TRPM6: variants seen among roughly 807,000 people sequenced by gnomAD.
TRPM6 encodes transient receptor potential cation channel subfamily M member 6.
In TRPM6, 111 loss-of-function variants were observed where a neutral mutation model predicts 247.6. The observed-to-expected ratio is 0.45, with a 90% confidence interval of 0.38 to 0.52. The LOEUF (loss-of-function observed/expected upper bound fraction) is 0.52. Among genes scored for constraint, TRPM6 ranks in the 20% least tolerant of loss-of-function variants. The pLI is 0.00. For missense variants in TRPM6, 2,126 were observed against 2,421.5 expected, an observed-to-expected ratio of 0.88 and a Z score of 2.56; for synonymous variants, 892 against 853.8, an observed-to-expected ratio of 1.04 and a Z score of -0.78.
Position 74,782,843 on chromosome 9 carries a change from A to G in TRPM6, c.2930T>C (p.Met977Thr). 6.2e-7 allele frequency: 1 copy of G among 1,614,152 alleles called. No individual in the cohort carries two copies. The highest frequency in any genetic ancestry group is 8.5e-7 in the Non-Finnish European group (1 of 1,180,022). Reference protein sequence around the residue: ...VTMIAKMTANMFYIVIIMAIV... With the variant: ...VTMIAKMTANTFYIVIIMAIV... ...GGCCATGATGATCACAATATAGAAC[A>G]TGTTTGCTGTCTGCAAAAGAGCATA... The change falls in exon 22 of 39, where the codon ATG becomes ACG. Residue 977 changes from methionine (M) to threonine (T), a missense_variant. Around this residue, in one of 3 missense-constraint regions of TRPM6, gnomAD observed 1,082 missense variants for 1,307.9 expected, o/e 0.83. Coordinates refer to ENST00000360774, the MANE Select transcript of TRPM6 (RefSeq NM_017662.5).
intron 4 of TRPM6, among the ~76,000 whole-genome samples, chr9:74,841,257 C>A (rs1478991718): frequency 6.6e-6 from 1 of 152,184 alleles, no homozygotes; most frequent in Non-Finnish European, 1.5e-5. Flanking sequence ...TATTGCACAG[C>A]TGGCTTGCTT....
At chr9:74,843,035 G>A (rs1326560919) in intron 3 of TRPM6, among the ~76,000 whole-genome samples, 1 of 152,180 alleles carries the variant, frequency 6.6e-6, no homozygotes, top group Non-Finnish European at 1.5e-5. Context: ...CAAAACTGGA[G>A]TCAATCTTCT....
intron 36 of TRPM6, among the ~76,000 whole-genome samples, chr9:74,733,125 C>A (rs1158556114): frequency 6.6e-6 from 1 of 151,416 alleles, no homozygotes; most frequent in African/African-American, 2.4e-5. Context: ...ACCATTGAAT[C>A]GTTGAGGCAG....
chr9:74,747,902 T>G lies in TRPM6; in HGVS notation c.5070A>C (p.Ser1690=). ...NLNRNSLLKS[S]IGVDKISASL... Reference sequence around the variant, plus strand: ...AGAAAAACTTACTGTCAACTCCAATTGAACTTTTCAGCCTGTTTGAAAAAA... The same window carrying G: ...AGAAAAACTTACTGTCAACTCCAATGGAACTTTTCAGCCTGTTTGAAAAAA... The change falls in exon 31 of 39, where the codon TCA becomes TCC. Residue 1690 remains serine (S), a synonymous_variant. Transcript: ENST00000360774. 1.2e-6 allele frequency: 2 copies of G among 1,611,276 alleles called. No homozygotes were observed. The highest frequency in any genetic ancestry group is 1.7e-6 in the Non-Finnish European group (2 of 1,178,600).
At chr9:74,852,808 G>T (rs62569732) in intron 3 of TRPM6, among the ~76,000 whole-genome samples, 22,404 of 152,158 alleles carry the variant, frequency 0.15, 1,917 homozygotes, top group East Asian at 0.28. Context: ...TGTTGCCCAG[G>T]CTGGAGTGCA....
At chr9:74,790,947 TA>T (rs1827878993) in intron 19 of TRPM6, among the ~76,000 whole-genome samples, 1 of 152,186 alleles carries the variant, frequency 6.6e-6, no homozygotes, top group African/African-American at 2.4e-5. Flanking sequence ...TAGGTAAAAT[TA>T]AGCACTAAAC....
chr9:74,780,739 T>C (rs997377090), intron 23 of TRPM6, among the ~76,000 whole-genome samples: 2 of 152,152 alleles, frequency 1.3e-5, no homozygotes, highest in Non-Finnish European at 2.9e-5. Context: ...AAGGTTGAGT[T>C]AACAGAAGTT....
intron 13 of TRPM6, among the ~76,000 whole-genome samples, chr9:74,810,029 G>A (rs1451034694): frequency 6.7e-6 from 1 of 149,228 alleles, no homozygotes; most frequent in Non-Finnish European, 1.5e-5. Context: ...TTTCACTCTG[G>A]CTCTCTCTCC....
chr9:74,816,490 C>T (rs200004362), intron 11 of TRPM6, among the ~76,000 whole-genome samples, 179 bp downstream of exon 11: 1 of 90,494 alleles, frequency 1.1e-5, no homozygotes, highest in Non-Finnish European at 2.2e-5. Flanking sequence ...AAAAAAAAAA[C>T]AGATGGTTTT....
In TRPM6 at chr9:74,800,260, C is replaced by T. The variant is rs1828272762; in HGVS notation, c.2232G>A (p.Trp744Ter). ...MGRLKMRKNS[W>*]LKIIISIILP... ...ACAAGTAAAGTAAATTTACCTTTAA[C>T]CAAGAGTTTTTCCTCATTTTCAGCC... Residue 744 changes from tryptophan (W) to a stop codon, truncating the protein, a stop_gained, in exon 17 of 39, where the codon TGG becomes TGA. Coordinates refer to ENST00000360774, the MANE Select transcript of TRPM6 (RefSeq NM_017662.5). LOFTEE classifies it high-confidence loss of function. 6.2e-7 allele frequency: 1 copy of T among 1,613,712 alleles called. No individual in the cohort carries two copies. The highest frequency in any genetic ancestry group is 1.3e-5 in the African/African-American group (1 of 74,884).
intron 1 of TRPM6, among the ~76,000 whole-genome samples, chr9:74,876,070 G>C (rs1831183637): frequency 6.6e-6 from 1 of 152,038 alleles, no homozygotes; most frequent in Admixed American, 6.6e-5. Flanking sequence ...ATTAACTGCA[G>C]GGTAACAATT....
At position 74,855,507 on chromosome 9, in the gene TRPM6, C is replaced by T. The variant is rs1209420434; in HGVS notation, c.152+20G>A. 1.9e-6 allele frequency: 3 copies of T among 1,582,640 alleles called. No individual in the cohort carries two copies. The highest frequency in any genetic ancestry group is 3.3e-5 in the Admixed American group (2 of 59,968). On this transcript the variant is annotated intron_variant, in intron 3 of 38. Transcript: ENST00000360774. ...AGGGTGCCTAAAAGCTAAAAGGAAT[C>T]TTGCTTATCTAAGTCTTACCTGATT...
intron 7 of TRPM6, among the ~76,000 whole-genome samples, chr9:74,823,229 C>A (rs940171781): frequency 5.9e-5 from 9 of 152,188 alleles, no homozygotes; most frequent in African/African-American, 2.2e-4. Flanking sequence ...CATGGTGAGA[C>A]ATCTACAGGG....
rs1206107004 is a variant in TRPM6 at position 74,842,174 on chromosome 9, G to T, written c.322C>A (p.His108Asn). 1 of 1,613,204 alleles carries T rather than the reference G, an allele frequency of 6.2e-7. No individual in the cohort carries two copies. Among genetic ancestry groups the T allele is most frequent in the African/African-American group, 1.3e-5 (1 of 74,754 alleles). ...INFQDGEHTHHAKYIRTSYDT... is the reference protein window; with the variant it reads ...INFQDGEHTHNAKYIRTSYDT... ...TTGGGTTATTAGCAAACCTTGGCAT[G>T]ATGGGTGTGCTCTCCATCTTGGAAA... Residue 108 changes from histidine to asparagine, a missense_variant, in exon 4 of 39, where the codon CAT becomes AAT. This residue lies in a region of TRPM6 where 1,082 missense variants were observed against 1,307.9 expected (regional missense o/e 0.83). Transcript: ENST00000360774.
At chr9:74,883,743 G>A (rs948338558) in intron 1 of TRPM6, among the ~76,000 whole-genome samples, 2 of 152,134 alleles carry the variant, frequency 1.3e-5, no homozygotes, top group African/African-American at 4.8e-5. Flanking sequence ...GGTGTCATGT[G>A]CCTGTAATCC....
chr9:74,846,661 C>T (rs1035116305), intron 3 of TRPM6, among the ~76,000 whole-genome samples: 8 of 152,036 alleles, frequency 5.3e-5, no homozygotes, highest in African/African-American at 1.7e-4. Context: ...ATTCTCCTGC[C>T]TCAGCCTCCC....
At position 74,785,871 on chromosome 9, in the gene TRPM6, C is replaced by T. The variant is rs1827642160; in HGVS notation, c.2919+3G>A. 6.2e-7 allele frequency: 1 copy of T among 1,614,166 alleles called. No individual in the cohort carries two copies. Among genetic ancestry groups the T allele is most frequent in the African/African-American group, 1.3e-5 (1 of 75,048 alleles). ...CCAGGATATAAAACTAGACTGTACT[C>T]ACCATTTTTGCAATCATGGTCACAT... On this transcript the variant is annotated splice_donor_region_variant and intron_variant, in intron 21 of 38. Coordinates refer to ENST00000360774, the MANE Select transcript of TRPM6 (RefSeq NM_017662.5).
intron 3 of TRPM6, among the ~76,000 whole-genome samples, chr9:74,849,609 C>A (rs115137277): frequency 0.014 from 2,128 of 152,226 alleles, 59 homozygotes; most frequent in African/African-American, 0.049. Context: ...GTTTAAGCCA[C>A]CCAGTTTGTG....
At chr9:74,886,320 G>C (rs1831526734) in intron 1 of TRPM6, among the ~76,000 whole-genome samples, 1 of 152,142 alleles carries the variant, frequency 6.6e-6, no homozygotes, top group Non-Finnish European at 1.5e-5. Flanking sequence ...GGCCAAAATA[G>C]CTAACGCTTT....
Sources: allele counts gnomAD v4.1 joint callset (sites outside exome capture counted in the v4.1 genomes callset), GRCh38; gene constraint gnomAD v4.1.1; regional missense constraint gnomAD v4.1.1; transcripts MANE v1.5; gene names NCBI Gene and HGNC (gene_info 2026-07-23, HGNC 2026-07-21).